The following RBM4 variants were observed in gnomAD, a reference collection of about 807,000 sequenced individuals.
RBM4 encodes the protein RNA-binding protein 4.
RBM4 carries 7 observed loss-of-function variants against 29.5 expected under a neutral mutation model. That is an observed-to-expected ratio of 0.24 (90% CI 0.14 to 0.45). RBM4 has a LOEUF of 0.45. RBM4 is among the 20% of genes least tolerant of loss of function. RBM4 has a pLI of 1.00. For synonymous variants in RBM4, 220 were observed against 205.4 expected (o/e 1.07, Z -0.61); for missense variants, 387 against 502.3 (o/e 0.77, Z 2.19).
intron 2 of RBM4, among the ~76,000 whole-genome samples, chr11:66,654,067 T>A (rs1337333957): frequency 6.6e-6 from 1 of 152,114 alleles, no homozygotes; most frequent in African/African-American, 2.4e-5. Context: ...TGCTCTGTCA[T>A]CCAGGCTAGA....
Position 66,646,316 on chromosome 11 carries a change from C to G in RBM4, c.*298C>G. On this transcript the variant is annotated 3_prime_UTR_variant, in exon 4 of 4. Transcript: ENST00000310092. ...AACTGTGGTGGGGGCTGTGCTGTCT[C>G]CTCCCTGCCTCCTGCCTCCTGCGGC... 1 of 1,303,580 alleles carries G rather than the reference C, an allele frequency of 7.7e-7. No individual in the cohort carries two copies. Among genetic ancestry groups the G allele is most frequent in the Non-Finnish European group, 9.8e-7 (1 of 1,022,144 alleles). 80.8% of individuals were successfully genotyped at this position (1,303,580 alleles called of 1,614,324 possible). A position where few individuals can be genotyped will look rare whatever the true frequency, so the allele number is the denominator to read the frequency against.
At chr11:66,642,639 A>G (rs1345569883) in intron 2 of RBM4, among the ~76,000 whole-genome samples, 1 of 152,214 alleles carries the variant, frequency 6.6e-6, no homozygotes, top group Non-Finnish European at 1.5e-5. Flanking sequence ...TAGTATAACT[A>G]GTTATTCTCC....
chr11:66,657,634 G>T (rs1938974095), intron 2 of RBM4, among the ~76,000 whole-genome samples: 1 of 131,546 alleles, frequency 7.6e-6, no homozygotes, highest in South Asian at 2.5e-4. Flanking sequence ...AGTGAGATGA[G>T]ATAGCGCCAC....
rs1938695276 is a variant in RBM4, at chr11:66,646,413, C to G, written c.*395C>G. The G allele has an allele frequency of 3.7e-6, 4 of 1,069,406 alleles. No individual in the cohort carries two copies. Among genetic ancestry groups the G allele is most frequent in the Non-Finnish European group, 4.5e-6 (4 of 883,692 alleles). The allele number at this position is 1,069,406 out of a possible 1,614,324, so 66.2% of individuals were successfully genotyped here. A position where few individuals can be genotyped will look rare whatever the true frequency, so the allele number is the denominator to read the frequency against. On this transcript the variant is annotated 3_prime_UTR_variant, in exon 4 of 4. Coordinates refer to ENST00000310092, the MANE Select transcript of RBM4 (RefSeq NM_002896.4). ...TCTCTTTTTGGTCCAAAGGCTAGAC[C>G]TATAGAGTTGGATCACTTTTTTTCT...
chr11:66,654,413 G>A (rs925205472), intron 2 of RBM4, among the ~76,000 whole-genome samples: 5 of 151,968 alleles, frequency 3.3e-5, no homozygotes, highest in African/African-American at 1.2e-4. Flanking sequence ...GGAGAATGGC[G>A]TGAACCCGGG....
At chr11:66,654,176 C>T (rs1001753575) in intron 2 of RBM4, among the ~76,000 whole-genome samples, 2 of 152,124 alleles carry the variant, frequency 1.3e-5, no homozygotes, top group African/African-American at 4.8e-5. Flanking sequence ...AGGCATATGC[C>T]ACCAAATCCT....
intron 2 of RBM4, among the ~76,000 whole-genome samples, chr11:66,653,909 AAGC>A (rs1938886983): frequency 6.6e-6 from 1 of 151,784 alleles, no homozygotes; most frequent in African/African-American, 2.4e-5. Context: ...GGCAAAAAAT[AAGC>A]AGGGCACAAT....
At chr11:66,642,887 G>C (rs1938529815) in intron 2 of RBM4, among the ~76,000 whole-genome samples, 1 of 152,166 alleles carries the variant, frequency 6.6e-6, no homozygotes, top group Non-Finnish European at 1.5e-5. Flanking sequence ...TGTCTCCCCA[G>C]TTCATGAGGG....
chr11:66,639,416 C>T, intron 1 of RBM4: 1 of 438,046 alleles, frequency 2.3e-6, no homozygotes, highest in Non-Finnish European at 4.1e-6. Context: ...TCTTCATATG[C>T]TGTCTTTCAT....
intron 2 of RBM4, chr11:66,640,415 C>T: frequency 1.9e-6 from 1 of 524,572 alleles, no homozygotes; most frequent in Non-Finnish European, 3.3e-6. Context: ...GTTACTGGGC[C>T]TTTTTTATTT....
chr11:66,650,256 A>C (rs1195189539), downstream of RBM4, among the ~76,000 whole-genome samples: 1 of 152,180 alleles, frequency 6.6e-6, no homozygotes, highest in Non-Finnish European at 1.5e-5. Context: ...ACTTGATGTT[A>C]ACCCTGTTAA....
downstream of RBM4, among the ~76,000 whole-genome samples, chr11:66,648,271 A>G (rs1177104622): frequency 6.6e-6 from 1 of 150,876 alleles, no homozygotes; most frequent in Admixed American, 6.6e-5. Context: ...CAGTAATCCC[A>G]GCACTTTTGG....
At chr11:66,664,903 A>G (rs1230253262) in intron 2 of RBM4, 1 of 152,298 alleles carries the variant, frequency 6.6e-6, no homozygotes, top group Non-Finnish European at 1.5e-5. Context: ...CTGGGCTTAA[A>G]TCCTTCCTTC....
In RBM4 at chr11:66,646,310, C is replaced by G; in HGVS notation, c.*292C>G. ...TGCAGAAACTGTGGTGGGGGCTGTG[C>G]TGTCTCCTCCCTGCCTCCTGCCTCC... On this transcript the variant is annotated 3_prime_UTR_variant, in exon 4 of 4. Transcript: ENST00000310092. 7.6e-7 allele frequency: 1 copy of G among 1,322,136 alleles called. No individual in the cohort carries two copies. The highest frequency in any genetic ancestry group is 2.9e-5 in the East Asian group (1 of 34,398). The allele number at this position is 1,322,136 out of a possible 1,614,324, so 81.9% of individuals were successfully genotyped here.
At chr11:66,642,377 C>T (rs1279796812) in intron 2 of RBM4, among the ~76,000 whole-genome samples, 1 of 152,190 alleles carries the variant, frequency 6.6e-6, no homozygotes, top group Non-Finnish European at 1.5e-5. Flanking sequence ...CTGAATTTTG[C>T]TTACCAGTAA....
intron 2 of RBM4, among the ~76,000 whole-genome samples, chr11:66,657,620 G>A (rs1004904276): frequency 1.1e-4 from 17 of 148,782 alleles, no homozygotes; most frequent in African/African-American, 4.2e-4. Flanking sequence ...GAGGTGGAGG[G>A]TGCAGTGAGA....
downstream of RBM4, among the ~76,000 whole-genome samples, chr11:66,651,371 G>A (rs1189158528): frequency 1.0e-4 from 15 of 149,144 alleles, no homozygotes; most frequent in South Asian, 1.3e-3. Context: ...TTTTTGAGGC[G>A]GAGTCTTGCT....
At chr11:66,644,183 T>A in intron 3 of RBM4, 43 bp downstream of exon 3, 4 of 1,569,370 alleles carry the variant, frequency 2.5e-6, no homozygotes, top group Non-Finnish European at 3.5e-6. Flanking sequence ...TTGCCATCCC[T>A]CCTGCAGCCT....
At chr11:66,659,334 G>A (rs891230376) in intron 2 of RBM4, among the ~76,000 whole-genome samples, 9 of 141,808 alleles carry the variant, frequency 6.3e-5, no homozygotes, top group East Asian at 2.1e-4. Flanking sequence ...GCAGTGGCGC[G>A]ATCTCGGCTC....
Sources: gnomAD v4.1 joint callset for allele counts (sites outside exome capture counted in the v4.1 genomes callset) on GRCh38, gnomAD v4.1.1 for gene constraint, MANE v1.5 for transcripts, NCBI Gene and HGNC (gene_info 2026-07-23, HGNC 2026-07-21) for gene names.